ABCD3: variants seen among roughly 807,000 people sequenced by gnomAD.
ABCD3 encodes ATP-binding cassette sub-family D member 3.
Under a neutral mutation model 105.5 loss-of-function variants are expected in ABCD3, and 41 were observed. That is an observed-to-expected ratio of 0.39 (90% CI 0.30 to 0.50). The LOEUF (loss-of-function observed/expected upper bound fraction) is 0.50, where lower values mean the gene tolerates loss of function less well. ABCD3 is among the 20% of genes least tolerant of loss of function. The pLI is 0.84. For missense variants in ABCD3, 622 were observed against 806.3 expected, an observed-to-expected ratio of 0.77 and a Z score of 2.77; for synonymous variants, 258 against 269.0, an observed-to-expected ratio of 0.96 and a Z score of 0.40.
In ABCD3 at chr1:94,433,257, C is replaced by T. The variant is rs1765647; in HGVS notation, c.110+14669C>T. Among the ~76,000 whole-genome samples the T allele has an allele frequency of 3.3e-5, 5 of 151,614 alleles. No homozygotes were observed. In the East Asian group the frequency reaches 7.8e-4, roughly 24 times the overall value. On this transcript the variant is annotated intron_variant, in intron 1 of 22. Coordinates refer to ENST00000370214, the MANE Select transcript of ABCD3 (RefSeq NM_002858.4). ...GCAACCTCTACCTCCCGAGTTCAAG[C>T]GATTCTCCTGCCTCAGCCTCCTGAG...
rs1570778860 is a variant in ABCD3 at position 94,464,755 on chromosome 1, G to T, written c.148-20G>T. ...TGTTTGTTATAGCTATCTTAAAAGG[G>T]CTTCTTTTTTTTAATGCAGAAAGAG... On this transcript the variant is annotated intron_variant, in intron 2 of 22. Transcript: ENST00000370214. 2 of 1,593,812 alleles carry T rather than the reference G, an allele frequency of 1.3e-6. No homozygotes were observed. Among genetic ancestry groups the T allele is most frequent in the Non-Finnish European group, 1.7e-6 (2 of 1,161,464 alleles).
upstream of ABCD3, among the ~76,000 whole-genome samples, chr1:94,418,271 A>G (rs890578411): frequency 2.0e-5 from 3 of 152,098 alleles, no homozygotes; most frequent in African/African-American, 7.2e-5. Flanking sequence ...CCGCCCACGG[A>G]GGCTGCCGAG....
At chr1:94,406,434 G>T in the ABCD3 span, 1 of 376,636 alleles carries the variant, frequency 2.7e-6, no homozygotes. Flanking sequence ...CAGCAGCTCA[G>T]GTTCCTTTCC....
the ABCD3 span, among the ~76,000 whole-genome samples, chr1:94,408,493 C>CT: frequency 6.6e-6 from 1 of 150,920 alleles, no homozygotes; most frequent in South Asian, 2.1e-4. Context: ...ACTAGAGAGG[C>CT]TGAGGCAGGA....
intron 16 of ABCD3, among the ~76,000 whole-genome samples, chr1:94,495,760 G>A (rs939593896): frequency 2.6e-5 from 4 of 152,028 alleles, no homozygotes; most frequent in African/African-American, 9.7e-5. Flanking sequence ...ATTTATATAC[G>A]GCCAACATTA....
the ABCD3 span, among the ~76,000 whole-genome samples, chr1:94,395,838 T>A: frequency 6.7e-6 from 1 of 149,562 alleles, no homozygotes; most frequent in African/African-American, 2.5e-5. Context: ...TGCACGCGTG[T>A]GAGAGAGAGA....
chr1:94,492,970 A>G (rs1006209152), intron 16 of ABCD3, among the ~76,000 whole-genome samples: 2 of 152,110 alleles, frequency 1.3e-5, no homozygotes, highest in Admixed American at 1.3e-4. Context: ...CTATAATTTC[A>G]CTTTTATAGT....
At chr1:94,464,653 G>C in intron 2 of ABCD3, 122 bp from the exon 3 acceptor site, 1 of 845,730 alleles carries the variant, frequency 1.2e-6, no homozygotes, top group Non-Finnish European at 2.0e-6. Context: ...GCAAGTCTGT[G>C]TTTTGTAAAT....
At chr1:94,406,037 G>A in the ABCD3 span, among the ~76,000 whole-genome samples, 5 of 151,606 alleles carry the variant, frequency 3.3e-5, no homozygotes, top group Non-Finnish European at 7.4e-5. Flanking sequence ...ATGTTTTCTT[G>A]TTGTACTTGT....
rs537507008 is a variant in ABCD3, at chr1:94,419,440, G to GA, written c.110+854dup. On this transcript the variant is annotated intron_variant, in intron 1 of 22. Coordinates refer to ENST00000370214, the MANE Select transcript of ABCD3 (RefSeq NM_002858.4). ...CAGAAAAAGTAAAAAAGAGAGAGCT[G>GA]AATTACGGTTGCGACATACAGGTAT... 452 of 795,360 alleles carry GA rather than the reference G, an allele frequency of 5.7e-4. 4 individuals carry two copies. The African/African-American group carries it at 8.1e-3, about 14-fold the overall frequency. 49.3% of individuals were successfully genotyped at this position (795,360 alleles called of 1,614,324 possible).
At chr1:94,516,725 A>G (rs1162456901) in intron 22 of ABCD3, among the ~76,000 whole-genome samples, 1 of 151,948 alleles carries the variant, frequency 6.6e-6, no homozygotes, top group Non-Finnish European at 1.5e-5. Context: ...AGGTTAGGAT[A>G]TATCGGCAGT....
chr1:94,433,767 CT>C (rs1439460042), intron 1 of ABCD3, among the ~76,000 whole-genome samples: 2 of 152,008 alleles, frequency 1.3e-5, no homozygotes, highest in Non-Finnish European at 2.9e-5. Context: ...CTGCCTCAGC[CT>C]CCCCTGTAGC....
chr1:94,415,195 T>C (rs955913445), upstream of ABCD3, among the ~76,000 whole-genome samples: 1 of 152,184 alleles, frequency 6.6e-6, no homozygotes, highest in Non-Finnish European at 1.5e-5. Flanking sequence ...TATACTCTTT[T>C]GGTCACAAAA....
intron 20 of ABCD3, among the ~76,000 whole-genome samples, chr1:94,504,632 G>A (rs185920485): frequency 2.0e-4 from 30 of 152,320 alleles, no homozygotes; most frequent in Non-Finnish European, 1.0e-4. Flanking sequence ...TAGAGCGTGA[G>A]TAGAAATAAG....
At chr1:94,505,881 G>A (rs1001390327) in intron 20 of ABCD3, among the ~76,000 whole-genome samples, 6 of 152,088 alleles carry the variant, frequency 3.9e-5, no homozygotes, top group African/African-American at 1.2e-4. Flanking sequence ...TTGTCAGGGG[G>A]CAGATGACAA....
In ABCD3 at chr1:94,465,009, T is replaced by C. The variant is rs185651161; in HGVS notation, c.246+136T>C. The C allele has an allele frequency of 7.1e-5, 54 of 764,158 alleles. No homozygotes were observed. The African/African-American group carries it at 8.9e-4, about 13-fold the overall frequency. The allele number at this position is 764,158 out of a possible 1,614,324, so 47.3% of individuals were successfully genotyped here. On this transcript the variant is annotated intron_variant, in intron 3 of 22. Coordinates refer to ENST00000370214, the MANE Select transcript of ABCD3 (RefSeq NM_002858.4). ...GGCTGTACAAGCATGGCACAGCATC[T>C]CCTCCACTTCCGGGGAGGCCTCAGG...
the ABCD3 span, among the ~76,000 whole-genome samples, chr1:94,405,487 A>G: frequency 2.6e-5 from 4 of 152,106 alleles, no homozygotes; most frequent in East Asian, 7.7e-4. Flanking sequence ...TATTTTTAGT[A>G]CAGACAGGGT....
intron 1 of ABCD3, among the ~76,000 whole-genome samples, chr1:94,419,971 C>G (rs942572418): frequency 2.6e-5 from 4 of 152,134 alleles, no homozygotes; most frequent in Non-Finnish European, 4.4e-5. Context: ...TGGGAACATG[C>G]CAGTAGAAAG....
intron 1 of ABCD3, among the ~76,000 whole-genome samples, chr1:94,455,325 ATT>A (rs142959399): frequency 3.0e-4 from 43 of 143,836 alleles, no homozygotes; most frequent in East Asian, 6.0e-4. Context: ...TTATAAATGA[ATT>A]TTTTTTTTTT....
Sources: allele counts gnomAD v4.1 joint callset (sites outside exome capture counted in the v4.1 genomes callset), GRCh38; gene constraint gnomAD v4.1.1; transcripts MANE v1.5; gene names NCBI Gene and HGNC (gene_info 2026-07-23, HGNC 2026-07-21).